Variants in SCN7A observed in about 807,000 individuals in gnomAD.
SCN7A encodes sodium voltage-gated channel alpha subunit 7.
Under a neutral mutation model 155.2 loss-of-function variants are expected in SCN7A, and 138 were observed. The ratio of observed to expected loss-of-function variants is 0.89; its 90% CI spans 0.77 to 1.02. SCN7A has a LOEUF of 1.02. SCN7A is among the 50% of genes least tolerant of loss of function. SCN7A has a pLI of 0.00. For missense variants in SCN7A, 2,058 were observed against 1,986.6 expected, an observed-to-expected ratio of 1.04 and a Z score of -0.68; for synonymous variants, 693 against 649.0, an observed-to-expected ratio of 1.07 and a Z score of -1.03.
Position 166,473,795 on chromosome 2 carries a change from A to G in SCN7A, c.443+4T>C. The G allele has an allele frequency of 8.7e-7, 1 of 1,152,124 alleles. No homozygotes were observed. Among genetic ancestry groups the G allele is most frequent in the South Asian group, 2.1e-5 (1 of 46,706 alleles). 71.4% of individuals were successfully genotyped at this position (1,152,124 alleles called of 1,614,324 possible). ...ATTATGTATAAAATAATTATATAAC[A>G]TACTCTAATACTGGTCTCCATTTTG... On this transcript the variant is annotated splice_donor_region_variant and intron_variant, in intron 5 of 25. Transcript: ENST00000643258.
intron 16 of SCN7A, among the ~76,000 whole-genome samples, chr2:166,429,534 A>G (rs3791253): frequency 0.21 from 31,527 of 152,004 alleles, 3,612 homozygotes; most frequent in African/African-American, 0.3. Flanking sequence ...AGTTTATAAC[A>G]CTTTGCTTCT....
Position 166,432,387 on chromosome 2 carries a change from T to C in SCN7A, c.2523A>G (p.Gly841=). The C allele has an allele frequency of 6.2e-7, 1 of 1,613,444 alleles. No homozygotes were observed. Among genetic ancestry groups the C allele is most frequent in the Admixed American group, 1.7e-5 (1 of 59,966 alleles). ...SVSETVPIAS[G]ESDIENLDNK... Reference sequence around the variant, plus strand: ...TATCCAGATTTTCTATATCAGATTCTCCTGAAGCAATTGGTACAGTTTCTG... The same window carrying C: ...TATCCAGATTTTCTATATCAGATTCCCCTGAAGCAATTGGTACAGTTTCTG... Residue 841 remains glycine, a synonymous_variant, in exon 16 of 26, where the codon GGA becomes GGG. Transcript: ENST00000643258.
In SCN7A at chr2:166,406,220, G is replaced by A. The variant is rs1260832159; in HGVS notation, c.4409C>T (p.Ser1470Phe). 6.2e-7 allele frequency: 1 copy of A among 1,613,106 alleles called. No individual in the cohort carries two copies. Among genetic ancestry groups the A allele is most frequent in the South Asian group, 1.1e-5 (1 of 91,054 alleles). The change falls in exon 26 of 26, where the codon TCT becomes TTT. Residue 1470 changes from serine to phenylalanine, a missense_variant. Coordinates refer to ENST00000643258, the MANE Select transcript of SCN7A (RefSeq NM_002976.4). ...ACTGACAAAATAAAAAATCCCAACAGAGGGGTTCCCACAATCTCCTCTAAC... is the reference window on the plus strand; with the variant it reads ...ACTGACAAAATAAAAAATCCCAACAAAGGGGTTCCCACAATCTCCTCTAAC... ...TQVRGDCGNP[S>F]VGIFYFVSYI...
chr2:166,464,781 G>C (rs12465655), intron 9 of SCN7A, among the ~76,000 whole-genome samples: 42,925 of 151,976 alleles, frequency 0.28, 6,610 homozygotes, highest in Non-Finnish European at 0.35. Context: ...CCAAATGATA[G>C]ATTTATATTG....
chr2:166,470,593 G>C, intron 7 of SCN7A, 22 bp downstream of exon 7: 1 of 1,572,064 alleles, frequency 6.4e-7, no homozygotes, highest in Non-Finnish European at 8.7e-7. Flanking sequence ...ATGAAGAAAA[G>C]ACATTCAATG....
chr2:166,431,975 C>A (rs1344032326), intron 16 of SCN7A, among the ~76,000 whole-genome samples: 1 of 151,888 alleles, frequency 6.6e-6, no homozygotes, highest in East Asian at 1.9e-4. Context: ...TTTTCAGCAC[C>A]CTCAAACTGC....
In SCN7A at chr2:166,404,196, G is replaced by A. The variant is rs1016423886; in HGVS notation, c.*1384C>T. Reference sequence around the variant, plus strand: ...TCTTTTAGGACTTAGCAGGCACATTGAAATCAATCTTCATAAAGTTGGAAT... The same window carrying A: ...TCTTTTAGGACTTAGCAGGCACATTAAAATCAATCTTCATAAAGTTGGAAT... On this transcript the variant is annotated 3_prime_UTR_variant, in exon 26 of 26. Coordinates refer to ENST00000643258, the MANE Select transcript of SCN7A (RefSeq NM_002976.4). The A allele has an allele frequency of 6.6e-6, 1 of 151,868 alleles. No individual in the cohort carries two copies. The highest frequency in any genetic ancestry group is 1.5e-5 in the Non-Finnish European group (1 of 67,916). 9.4% of individuals were successfully genotyped at this position (151,868 alleles called of 1,614,324 possible). A position where few individuals can be genotyped will look rare whatever the true frequency, so the allele number is the denominator to read the frequency against.
chr2:166,471,734 G>C (rs1016734803), intron 6 of SCN7A, among the ~76,000 whole-genome samples: 6 of 148,860 alleles, frequency 4.0e-5, no homozygotes, highest in African/African-American at 7.4e-5. Flanking sequence ...GTGGGGGGGG[G>C]GGTGGTGTTT....
At chr2:166,476,559 C>T (rs910473322) in intron 3 of SCN7A, among the ~76,000 whole-genome samples, 1 of 151,966 alleles carries the variant, frequency 6.6e-6, no homozygotes, top group Non-Finnish European at 1.5e-5. Context: ...TCCCGGATTA[C>T]TCTCTGTGTT....
At chr2:166,440,844 T>C (rs2105432043) in intron 15 of SCN7A, 1 of 152,990 alleles carries the variant, frequency 6.5e-6, no homozygotes, top group South Asian at 2.1e-4. Context: ...CCAAACCCCA[T>C]GCGTACTACA....
chr2:166,488,687 G>T (rs975585545), intron 1 of SCN7A, among the ~76,000 whole-genome samples: 4 of 151,504 alleles, frequency 2.6e-5, no homozygotes, highest in African/African-American at 9.7e-5. Context: ...GCCCAGGCTG[G>T]AGAGCAGCGG....
intron 1 of SCN7A, among the ~76,000 whole-genome samples, chr2:166,490,985 G>A (rs1369162479): frequency 6.6e-6 from 1 of 152,106 alleles, no homozygotes; most frequent in East Asian, 1.9e-4. Context: ...GGAGCCCCAG[G>A]GCCAGAGAAA....
chr2:166,453,883 T>C (rs1245448486), intron 11 of SCN7A, among the ~76,000 whole-genome samples: 1 of 152,180 alleles, frequency 6.6e-6, no homozygotes, highest in Non-Finnish European at 1.5e-5. Context: ...TTTTTGTATT[T>C]ATAAATAAAA....
At chr2:166,418,284 CTTT>C (rs71031244) in intron 20 of SCN7A, among the ~76,000 whole-genome samples, 1 of 60,668 alleles carries the variant, frequency 1.6e-5, no homozygotes, top group Non-Finnish European at 3.1e-5. Context: ...CCCCGCCAGG[CTTT>C]TTTTTTTTTT....
In SCN7A at chr2:166,449,591, A is replaced by C. The variant is rs540471776; in HGVS notation, c.1291-1883T>G. On this transcript the variant is annotated intron_variant, in intron 11 of 25. Transcript: ENST00000643258. The stretch of plus-strand genomic sequence containing the variant: ...TCCTCAGACCAGCGACAGACTCTGC[A>C]GGTCTACAGAGCTCCAGTTCCTCTT... Among the ~76,000 whole-genome samples, 110 of 152,162 alleles carry C rather than the reference A, an allele frequency of 7.2e-4. 2 individuals are homozygous for C. Among genetic ancestry groups the C allele is most frequent in the Non-Finnish European group, 3.7e-4 (25 of 68,032 alleles).
intron 20 of SCN7A, 116 bp from the exon 21 acceptor site, chr2:166,417,101 G>T: frequency 1.3e-6 from 1 of 792,116 alleles, no homozygotes; most frequent in Non-Finnish European, 2.0e-6. Context: ...AACCTTAAAA[G>T]GCCATATCTA....
At chr2:166,467,655 T>G (rs1031661113) in intron 7 of SCN7A, among the ~76,000 whole-genome samples, 1 of 151,574 alleles carries the variant, frequency 6.6e-6, no homozygotes, top group Non-Finnish European at 1.5e-5. Context: ...TTTTCATTAG[T>G]ATATACTAAT....
Position 166,477,638 on chromosome 2 carries a change from A to G in SCN7A, c.59T>C (p.Leu20Pro), listed in dbSNP as rs185757753. The G allele has an allele frequency of 3.1e-6, 5 of 1,606,800 alleles. 1 individual carries two copies. The Admixed American group carries it at 8.5e-5, about 27-fold the overall frequency. ...LVPFTKESFELIKQHIAKTHN... is the reference protein window; with the variant it reads ...LVPFTKESFEPIKQHIAKTHN... ...TGTTTTAGCAATATGCTGTTTTATA[A>G]GTTCAAAAGACTCTTTAGTGAAGGG... is the stretch of plus-strand genomic sequence containing the variant. Residue 20 changes from leucine to proline, a missense_variant, in exon 3 of 26, where the codon CTT becomes CCT. Leu to Pro is a moderately conservative substitution (Grantham distance 98, BLOSUM62 -3). Transcript: ENST00000643258.
At position 166,421,256 on chromosome 2, in the gene SCN7A, T is replaced by C; in HGVS notation, c.3069A>G (p.Leu1023=). 1.3e-6 allele frequency: 2 copies of C among 1,536,002 alleles called. No individual in the cohort carries two copies. The highest frequency in any genetic ancestry group is 8.8e-7 in the Non-Finnish European group (1 of 1,141,846). The change falls in exon 20 of 26, where the codon CTA becomes CTG. Residue 1023 remains leucine (L), a synonymous_variant. Coordinates refer to ENST00000643258, the MANE Select transcript of SCN7A (RefSeq NM_002976.4). ...LSLIGKTREE[L]KPLISMKFLR... ...GGAATTTCATGGAAATAAGAGGTTT[T>C]AGTTCTTCCCGAGTTTTGCCTATTA...
Sources: gnomAD v4.1 joint callset for allele counts (sites outside exome capture counted in the v4.1 genomes callset) on GRCh38, gnomAD v4.1.1 for gene constraint, MANE v1.5 for transcripts, NCBI Gene and HGNC (gene_info 2026-07-23, HGNC 2026-07-21) for gene names.